Variants in DHX15 observed in about 807,000 individuals in gnomAD.
DHX15 encodes DEAH-box helicase 15, also known as ATP-dependent RNA helicase DHX15.
In DHX15, 11 loss-of-function variants were observed where a neutral mutation model predicts 94.4. The observed-to-expected ratio is 0.12, with a 90% CI of 0.07 to 0.19. The LOEUF is 0.19. Among genes scored for constraint, DHX15 ranks in the 10% least tolerant of loss-of-function variants. DHX15 has a pLI of 1.00. For missense variants in DHX15, 304 were observed against 988.5 expected (o/e 0.31, Z 9.29); for synonymous variants, 338 against 329.9 (o/e 1.02, Z -0.27).
chr4:24,544,449 C>CAAT (rs1721381756), intron 6 of DHX15, among the ~76,000 whole-genome samples: 1 of 152,068 alleles, frequency 6.6e-6, no homozygotes. Flanking sequence ...AAAAGACTGA[C>CAAT]AACTAGCAAA....
intron 6 of DHX15, among the ~76,000 whole-genome samples, chr4:24,546,488 G>T (rs891328266): frequency 1.3e-5 from 2 of 152,146 alleles, no homozygotes; most frequent in Non-Finnish European, 2.9e-5. Flanking sequence ...ATCTACTGAA[G>T]AGTAAACTTG....
chr4:24,528,657 C>G (rs940557314), intron 13 of DHX15, among the ~76,000 whole-genome samples: 1 of 152,146 alleles, frequency 6.6e-6, no homozygotes, highest in Admixed American at 6.5e-5. Flanking sequence ...TCCCACTACT[C>G]TTGGCTGACA....
At chr4:24,556,004 T>C (rs546758108) in intron 4 of DHX15, among the ~76,000 whole-genome samples, 33 of 152,262 alleles carry the variant, frequency 2.2e-4, no homozygotes, top group African/African-American at 7.9e-4. Context: ...TATATGTTAT[T>C]AGATTATAAA....
At chr4:24,560,316 A>G (rs1187155486) in intron 3 of DHX15, among the ~76,000 whole-genome samples, 1 of 152,064 alleles carries the variant, frequency 6.6e-6, no homozygotes, top group African/African-American at 2.4e-5. Context: ...TGAAAACCAG[A>G]AATCCCTACC....
rs1449503017 is a variant in DHX15, at chr4:24,573,124, T to C, written c.508-2277A>G. ...TGGGGTTTCACCATATTGGCCAGGC[T>C]GGTCTCAAACCCCTGACCTCAGGTA... is the stretch of plus-strand genomic sequence containing the variant. On this transcript the variant is annotated intron_variant, in intron 2 of 13. Transcript: ENST00000336812. 1.3e-5 allele frequency among the ~76,000 whole-genome samples: 2 copies of C among 152,186 alleles called. 1 individual carries two copies. Among genetic ancestry groups the C allele is most frequent in the Admixed American group, 1.3e-4 (2 of 15,288 alleles).
intron 1 of DHX15, among the ~76,000 whole-genome samples, chr4:24,583,483 A>C (rs1045591663): frequency 6.6e-6 from 1 of 151,916 alleles, no homozygotes; most frequent in African/African-American, 2.4e-5. Context: ...GAAAAAAAAA[A>C]ACAATGCCTT....
chr4:24,542,037 A>G lies in DHX15; in HGVS notation c.1336-15T>C, dbSNP rs751737401. 2 of 1,581,014 alleles carry G rather than the reference A, an allele frequency of 1.3e-6. No individual in the cohort carries two copies. The highest frequency in any genetic ancestry group is 8.6e-7 in the Non-Finnish European group (1 of 1,158,782). On this transcript the variant is annotated splice_polypyrimidine_tract_variant and intron_variant, in intron 7 of 13. Coordinates refer to ENST00000336812, the MANE Select transcript of DHX15 (RefSeq NM_001358.3). ...GGATTGTAGACCTATTGGAATTGAA[A>G]TAACACAAGAGTCTTTCTTCAGTCA...
chr4:24,584,269 G>T, intron 1 of DHX15, 54 bp downstream of exon 1: 1 of 1,558,246 alleles, frequency 6.4e-7, no homozygotes. Flanking sequence ...CCCGCTCCCT[G>T]CCAGGACCCC....
chr4:24,562,131 CAAAAAAAAAA>C (rs71196191), intron 3 of DHX15, among the ~76,000 whole-genome samples: 1 of 77,824 alleles, frequency 1.3e-5, no homozygotes, highest in Non-Finnish European at 2.4e-5. Context: ...GACACTGTCT[CAAAAAAAAAA>C]AAAAAAAAAA....
intron 4 of DHX15, among the ~76,000 whole-genome samples, chr4:24,555,776 T>C (rs1721727105): frequency 6.6e-6 from 1 of 152,142 alleles, no homozygotes; most frequent in Non-Finnish European, 1.5e-5. Context: ...CCAAGGTACA[T>C]GTGGTATGGA....
At chr4:24,534,347 A>C (rs1721149947) in intron 11 of DHX15, 1 of 152,194 alleles carries the variant, frequency 6.6e-6, no homozygotes, top group Admixed American at 6.5e-5. Flanking sequence ...TTTGCAGACT[A>C]TGGCTTGAAA....
rs143871330 is a variant in DHX15, at chr4:24,558,725, G to T, written c.702-2315C>A. Among the ~76,000 whole-genome samples, 424 of 152,134 alleles carry T rather than the reference G, an allele frequency of 2.8e-3. 1 individual carries two copies. The highest frequency in any genetic ancestry group is 9.8e-3 in the African/African-American group (408 of 41,524). On this transcript the variant is annotated intron_variant, in intron 3 of 13. Coordinates refer to ENST00000336812, the MANE Select transcript of DHX15 (RefSeq NM_001358.3). ...TATGGGATACTGCTGTTTGTACAAT[G>T]AATAATTTCAAGAAAAATGAAATTT...
At position 24,554,716 on chromosome 4, in the gene DHX15, A is replaced by T. The variant is rs1307294620; in HGVS notation, c.1080+9T>A. 1 of 1,606,146 alleles carries T rather than the reference A, an allele frequency of 6.2e-7. No homozygotes were observed. Among genetic ancestry groups the T allele is most frequent in the Admixed American group, 1.7e-5 (1 of 59,556 alleles). The stretch of plus-strand genomic sequence containing the variant: ...AAAAGCTAAATAATGAAGAAAATTA[A>T]AACAATACCTCTTGACCAGTTAAGA... On this transcript the variant is annotated intron_variant, in intron 5 of 13. Coordinates refer to ENST00000336812, the MANE Select transcript of DHX15 (RefSeq NM_001358.3).
At chr4:24,572,356 G>C (rs918773883) in intron 2 of DHX15, among the ~76,000 whole-genome samples, 3 of 151,986 alleles carry the variant, frequency 2.0e-5, no homozygotes, top group African/African-American at 7.2e-5. Flanking sequence ...AGCTGGTGTC[G>C]AACTCCTGAC....
intron 13 of DHX15, 29 bp downstream of exon 13, chr4:24,529,572 A>G (rs753049453): frequency 1.2e-6 from 2 of 1,606,238 alleles, no homozygotes; most frequent in South Asian, 2.2e-5. Context: ...GTACTAACAA[A>G]AAACTGTTAG....
chr4:24,573,406 T>A (rs1472420660), intron 2 of DHX15, among the ~76,000 whole-genome samples: 1 of 152,212 alleles, frequency 6.6e-6, no homozygotes, highest in Non-Finnish European at 1.5e-5. Context: ...ATCTTAGAGC[T>A]AACGGTCATT....
At chr4:24,567,660 C>G (rs543030341) in intron 3 of DHX15, among the ~76,000 whole-genome samples, 2 of 152,084 alleles carry the variant, frequency 1.3e-5, no homozygotes, top group African/African-American at 4.8e-5. Context: ...AGCCAACAAC[C>G]TCTCCTTCCT....
intron 1 of DHX15, chr4:24,581,026 T>C (rs1455378203): frequency 6.7e-6 from 1 of 148,340 alleles, no homozygotes; most frequent in Non-Finnish European, 1.5e-5. Flanking sequence ...AATCTATTTA[T>C]TTTTTATTAT....
intron 2 of DHX15, among the ~76,000 whole-genome samples, chr4:24,571,513 G>A (rs780283807): frequency 2.0e-5 from 3 of 152,178 alleles, no homozygotes; most frequent in Non-Finnish European, 4.4e-5. Flanking sequence ...TTGCCATGAC[G>A]GCAGTACATT....
Sources: gnomAD v4.1 joint callset for allele counts (sites outside exome capture counted in the v4.1 genomes callset) on GRCh38, gnomAD v4.1.1 for gene constraint, MANE v1.5 for transcripts, NCBI Gene and HGNC (gene_info 2026-07-23, HGNC 2026-07-21) for gene names.